The following UFD1 variants were observed in gnomAD, a reference collection of about 807,000 sequenced individuals.
UFD1 encodes ubiquitin recognition factor in ER associated degradation 1, also known as ubiquitin recognition factor in ER-associated degradation protein 1.
UFD1 carries 13 observed loss-of-function variants against 45.9 expected under a neutral mutation model. The observed-to-expected ratio is 0.28, with a 90% CI of 0.18 to 0.45. The LOEUF (loss-of-function observed/expected upper bound fraction) is 0.45, where lower values mean the gene tolerates loss of function less well. Ranked by LOEUF, UFD1 falls within the 20% of genes least tolerant of loss-of-function variation. The pLI, the probability that UFD1 is intolerant of heterozygous loss-of-function variation, is 1.00. For missense variants in UFD1, 218 were observed against 389.2 expected, an observed-to-expected ratio of 0.56 and a Z score of 3.70; for synonymous variants, 128 against 139.2, an observed-to-expected ratio of 0.92 and a Z score of 0.56.
chr22:19,456,859 C>A lies in UFD1; in HGVS notation c.624G>T (p.Glu208Asp), dbSNP rs1240946415. ...CACTGAGGATAACACTTACTGTCGA[C>A]TCCTCATGCTGGACTTGTCTTTCGG... is the stretch of plus-strand genomic sequence containing the variant. ...KEPERQVQHE[E>D]STEGEADHSG... Residue 208 changes from glutamate to aspartate, a missense_variant, in exon 8 of 12, where the codon GAG (glutamate) becomes GAT (aspartate). By Grantham distance (45) the Glu-to-Asp change is conservative (BLOSUM62 2). Around this residue, in one of 2 missense-constraint regions of UFD1, gnomAD observed 149 missense variants for 307.5 expected, o/e 0.48. Transcript: ENST00000263202. 2 of 1,613,786 alleles carry A rather than the reference C, an allele frequency of 1.2e-6. No homozygotes were observed. The highest frequency in any genetic ancestry group is 2.2e-5 in the South Asian group (2 of 90,994).
intron 4 of UFD1, among the ~76,000 whole-genome samples, chr22:19,468,312 C>T (rs771124540): frequency 1.6e-4 from 24 of 152,176 alleles, no homozygotes; most frequent in Admixed American, 6.5e-5. Context: ...AATAGTCACT[C>T]ACTGTACTTC....
At chr22:19,468,435 G>A (rs947141388) in intron 4 of UFD1, among the ~76,000 whole-genome samples, 2 of 152,312 alleles carry the variant, frequency 1.3e-5, no homozygotes, top group East Asian at 3.9e-4. Context: ...GCCCACCACA[G>A]CTGAGGCTGC....
At chr22:19,452,009 A>G (rs2089686751) in intron 11 of UFD1, 1 of 885,908 alleles carries the variant, frequency 1.1e-6, no homozygotes, top group Non-Finnish European at 1.4e-6. Context: ...TCCTGAGAAA[A>G]GATGCATGAG....
Position 19,475,612 on chromosome 22 carries a change from G to T in UFD1, c.4-10C>A. 6.2e-7 allele frequency: 1 copy of T among 1,613,552 alleles called. No homozygotes were observed. The highest frequency in any genetic ancestry group is 1.1e-5 in the South Asian group (1 of 90,996). ...ACATGTTGAAAGAGAACTAGAAGGA[G>T]GAAAGAGAAACAAGTATTAAAACAA... On this transcript the variant is annotated splice_polypyrimidine_tract_variant and intron_variant, in intron 1 of 11. Transcript: ENST00000263202.
intron 11 of UFD1, chr22:19,452,974 A>G (rs2089694652): frequency 1.1e-6 from 1 of 939,120 alleles, no homozygotes; most frequent in South Asian, 4.9e-5. Flanking sequence ...CTTTGGGGAA[A>G]CTATTTCCCT....
Position 19,469,907 on chromosome 22 carries a change from C to A in UFD1, c.291+1780G>T, listed in dbSNP as rs746529910. On this transcript the variant is annotated intron_variant, in intron 4 of 11. Coordinates refer to ENST00000263202, the MANE Select transcript of UFD1 (RefSeq NM_005659.7). ...GTCTAAAGCAGTCCAACAGCTTGGA[C>A]AAGAGGCCACCCAAACTTCAAGTCT... is the stretch of plus-strand genomic sequence containing the variant. The A allele has an allele frequency of 2.3e-5, 12 of 517,578 alleles. No individual in the cohort carries two copies. In the Admixed American group the frequency reaches 2.3e-4, roughly 10 times the overall value. 32.1% of individuals were successfully genotyped at this position (517,578 alleles called of 1,614,324 possible). A position where few individuals can be genotyped will look rare whatever the true frequency, so the allele number is the denominator to read the frequency against.
intron 4 of UFD1, chr22:19,469,785 T>G: frequency 2.2e-6 from 1 of 450,098 alleles, no homozygotes; most frequent in African/African-American, 2.0e-5. Flanking sequence ...GAAGGCCAGC[T>G]CAGGGGAAGA....
At chr22:19,457,126 A>G (rs1409742108) in intron 7 of UFD1, among the ~76,000 whole-genome samples, 1 of 152,100 alleles carries the variant, frequency 6.6e-6, no homozygotes, top group South Asian at 2.1e-4. Context: ...CACTGGCACA[A>G]CCCACTGCTC....
At position 19,475,494 on chromosome 22, in the gene UFD1, A is replaced by C; in HGVS notation, c.112T>G (p.Ser38Ala). The C allele has an allele frequency of 2.5e-6, 4 of 1,614,022 alleles. No homozygotes were observed. Among genetic ancestry groups the C allele is most frequent in the Non-Finnish European group, 3.4e-6 (4 of 1,179,952 alleles). The change falls in exon 2 of 12, where the codon TCA becomes GCA. Residue 38 changes from serine to alanine, a missense_variant. By Grantham distance (99) the Ser-to-Ala change is moderately conservative (BLOSUM62 1). Transcript: ENST00000263202. ...VSMLAGPNDR[S>A]DVEKGGKIIM... Reference sequence around the variant, plus strand: ...CTCTTCCCTCCTTTCTCCACATCTGACCTGTCATTAGGCCCTGCTAGCATG... The same window carrying C: ...CTCTTCCCTCCTTTCTCCACATCTGCCCTGTCATTAGGCCCTGCTAGCATG...
In UFD1 at chr22:19,471,751, C is replaced by T. The variant is rs371674923; in HGVS notation, c.227G>A (p.Arg76His). ...LFKLTNKNSD[R>H]MTHCGVLEFV... is the part of the protein sequence containing the mutation. ...CTCCAGCACGCCACAATGCGTCATGCGGTCCGAATTCTTATTGGTCAGTTT... is the reference window on the plus strand; with the variant it reads ...CTCCAGCACGCCACAATGCGTCATGTGGTCCGAATTCTTATTGGTCAGTTT... The change falls in exon 4 of 12, where the codon CGC becomes CAC. Residue 76 changes from arginine to histidine, a missense_variant. By Grantham distance (29) the Arg-to-His change is conservative. This residue lies in a region of UFD1 where 149 missense variants were observed against 307.5 expected (regional missense o/e 0.48). Transcript: ENST00000263202. 2 of 1,614,124 alleles carry T rather than the reference C, an allele frequency of 1.2e-6. No individual in the cohort carries two copies. Among genetic ancestry groups the T allele is most frequent in the Non-Finnish European group, 8.5e-7 (1 of 1,180,032 alleles).
chr22:19,479,001 C>A, intron 1 of UFD1, 82 bp downstream of exon 1: 11 of 1,232,322 alleles, frequency 8.9e-6, no homozygotes, highest in East Asian at 2.7e-5. Context: ...CCGCCGCCGT[C>A]CCGCCCCGCC....
intron 6 of UFD1, among the ~76,000 whole-genome samples, chr22:19,461,442 C>T (rs2089765710): frequency 6.6e-6 from 1 of 152,190 alleles, no homozygotes; most frequent in Non-Finnish European, 1.5e-5. Flanking sequence ...CTTGTCTACT[C>T]CAGAACCAAT....
chr22:19,451,344 A>G (rs2089681235), intron 11 of UFD1: 1 of 985,498 alleles, frequency 1.0e-6, no homozygotes, highest in African/African-American at 1.7e-5. Context: ...TGTTGTGGTA[A>G]GCAGCTTAAT....
chr22:19,476,108 C>T (rs1370325466), intron 1 of UFD1, among the ~76,000 whole-genome samples: 1 of 152,118 alleles, frequency 6.6e-6, no homozygotes, highest in Non-Finnish European at 1.5e-5. Context: ...CGGACACACA[C>T]ACATGTGTGT....
At position 19,450,265 on chromosome 22, in the gene UFD1, A is replaced by G. The variant is rs1201189655; in HGVS notation, c.*405T>C. ...TTTTTTAGGCCAAAGACTGACACCT[A>G]TGCAATTGATGTAGGAAAAGAAAGG... On this transcript the variant is annotated 3_prime_UTR_variant, in exon 12 of 12. Transcript: ENST00000263202. The G allele has an allele frequency of 6.1e-6, 1 of 165,094 alleles. No individual in the cohort carries two copies. The highest frequency in any genetic ancestry group is 5.9e-5 in the Admixed American group (1 of 16,834). 10.2% of individuals were successfully genotyped at this position (165,094 alleles called of 1,614,324 possible).
intron 10 of UFD1, 71 bp from the exon 11 acceptor site, chr22:19,454,901 C>G: frequency 6.6e-7 from 1 of 1,515,920 alleles, no homozygotes; most frequent in Non-Finnish European, 8.9e-7. Context: ...TTTTGACAGT[C>G]AAGAGGAACG....
At chr22:19,470,543 G>A in intron 4 of UFD1, 1 of 353,828 alleles carries the variant, frequency 2.8e-6, no homozygotes, top group Non-Finnish European at 5.6e-6. Flanking sequence ...CTGGGTTTAA[G>A]CCATTCTCTT....
At chr22:19,454,915 A>G in intron 10 of UFD1, 85 bp from the exon 11 acceptor site, 1 of 1,457,998 alleles carries the variant, frequency 6.9e-7, no homozygotes, top group Non-Finnish European at 9.2e-7. Flanking sequence ...AGGAACGCAG[A>G]AAAGATGCTG....
At position 19,471,370 on chromosome 22, in the gene UFD1, CT is replaced by C. The variant is rs757587112; in HGVS notation, c.291+316del. 1.2e-4 allele frequency: 73 copies of C among 611,788 alleles called. 1 individual carries two copies. The Admixed American group carries it at 1.3e-3, about 11-fold the overall frequency. The allele number at this position is 611,788 out of a possible 1,614,324, so 37.9% of individuals were successfully genotyped here. ...TCAAACACCCTACTTACTAGACCAC[CT>C]AAAAAATACTGTTGCTCCATTATTT... On this transcript the variant is annotated intron_variant, in intron 4 of 11. Coordinates refer to ENST00000263202, the MANE Select transcript of UFD1 (RefSeq NM_005659.7).
Sources: gnomAD v4.1 joint callset for allele counts (sites outside exome capture counted in the v4.1 genomes callset) on GRCh38, gnomAD v4.1.1 for gene constraint, gnomAD v4.1.1 regional missense constraint, MANE v1.5 for transcripts, NCBI Gene and HGNC (gene_info 2026-07-23, HGNC 2026-07-21) for gene names.